The following GRIN2B variants were observed in gnomAD, a reference collection of about 807,000 sequenced individuals.
GRIN2B encodes glutamate ionotropic receptor NMDA type subunit 2B, also known as glutamate receptor ionotropic, NMDA 2B.
A neutral mutation model predicts 114.5 loss-of-function variants in GRIN2B; 5 were observed. That is an observed-to-expected ratio of 0.04 (90% confidence interval 0.02 to 0.09). The LOEUF (loss-of-function observed/expected upper bound fraction) is 0.09, where lower values mean the gene tolerates loss of function less well. GRIN2B is among the 10% of genes least tolerant of loss of function. The probability of loss-of-function intolerance (pLI) is 1.00; values close to 1 mark genes in which losing one functional copy is unlikely to be tolerated. For synonymous variants in GRIN2B, 787 were observed against 745.1 expected, an observed-to-expected ratio of 1.06 and a Z score of -0.92; for missense variants, 1,108 against 1,943.5, an observed-to-expected ratio of 0.57 and a Z score of 8.08.
intron 11 of GRIN2B, 85 bp downstream of exon 11, chr12:13,571,719 G>T: frequency 1.5e-6 from 2 of 1,316,990 alleles, no homozygotes; most frequent in Non-Finnish European, 2.2e-6. Context: ...ACCAAGCATG[G>T]TATACCTAGT....
chr12:13,777,722 A>G (rs544921820), intron 3 of GRIN2B, among the ~76,000 whole-genome samples: 3 of 152,138 alleles, frequency 2.0e-5, no homozygotes, highest in Non-Finnish European at 4.4e-5. Flanking sequence ...CCTAAAGAAC[A>G]CTGATATTCA....
intron 2 of GRIN2B, among the ~76,000 whole-genome samples, chr12:13,911,100 C>T (rs542440860): frequency 1.2e-4 from 18 of 152,138 alleles, no homozygotes; most frequent in Admixed American, 4.6e-4. Context: ...CACCTACTAC[C>T]ATAGTGAGTC....
intron 3 of GRIN2B, among the ~76,000 whole-genome samples, chr12:13,758,254 C>T (rs1863614453): frequency 6.6e-6 from 1 of 152,136 alleles, no homozygotes; most frequent in Admixed American, 6.5e-5. Context: ...TCTTCCCTTC[C>T]CACTCATGGT....
intron 5 of GRIN2B, among the ~76,000 whole-genome samples, chr12:13,658,023 TGG>T (rs1949883465): frequency 1.3e-5 from 2 of 152,100 alleles, no homozygotes; most frequent in Non-Finnish European, 1.5e-5. Context: ...CTGACCAACA[TGG>T]AGACACCCTG....
rs193002350 is a variant in GRIN2B at position 13,892,718 on chromosome 12, T to A, written c.-18-26492A>T. Among the ~76,000 whole-genome samples, 697 of 152,258 alleles carry A rather than the reference T, an allele frequency of 4.6e-3. 2 individuals are homozygous for A. The highest frequency in any genetic ancestry group is 0.014 in the Middle Eastern group (4 of 294). The stretch of plus-strand genomic sequence containing the variant: ...TCCTAAGCTTTGTGGTATATGAGAA[T>A]AACACGGGGGCCTAAACTACCAACA... On this transcript the variant is annotated intron_variant, in intron 2 of 13. Coordinates refer to ENST00000609686, the MANE Select transcript of GRIN2B (RefSeq NM_000834.5).
In GRIN2B at chr12:13,558,894, T is replaced by G. The variant is rs559315815; in HGVS notation, c.*3889A>C. ...ATTATTGTCAGTGGAAATGCTGAGA[T>G]TTAAGCATTGCCACTGAAAGGAGTT... is the stretch of plus-strand genomic sequence containing the variant. On this transcript the variant is annotated 3_prime_UTR_variant, in exon 14 of 14. Transcript: ENST00000609686. The G allele has an allele frequency of 2.6e-5, 4 of 152,246 alleles. No individual in the cohort carries two copies. Among genetic ancestry groups the G allele is most frequent in the African/African-American group, 7.2e-5 (3 of 41,504 alleles). The allele number at this position is 152,246 out of a possible 1,614,324, so 9.4% of individuals were successfully genotyped here. A position where few individuals can be genotyped will look rare whatever the true frequency, so the allele number is the denominator to read the frequency against.
At chr12:13,835,471 G>T (rs1865243505) in intron 3 of GRIN2B, among the ~76,000 whole-genome samples, 1 of 151,940 alleles carries the variant, frequency 6.6e-6, no homozygotes, top group African/African-American at 2.4e-5. Flanking sequence ...TCACAAAAGG[G>T]TTTTACGTAA....
At chr12:13,928,096 A>G (rs1866952083) in intron 2 of GRIN2B, among the ~76,000 whole-genome samples, 1 of 151,716 alleles carries the variant, frequency 6.6e-6, no homozygotes, top group African/African-American at 2.4e-5. Context: ...GGATCACTTG[A>G]GGTCAGGAGT....
At chr12:13,769,282 A>G (rs1425965541) in intron 3 of GRIN2B, among the ~76,000 whole-genome samples, 1 of 152,032 alleles carries the variant, frequency 6.6e-6, no homozygotes, top group Non-Finnish European at 1.5e-5. Flanking sequence ...CACTCACACA[A>G]GAACCCTCCC....
intron 10 of GRIN2B, among the ~76,000 whole-genome samples, chr12:13,588,836 AAGG>A (rs1258923726): frequency 1.3e-5 from 2 of 152,338 alleles, no homozygotes; most frequent in South Asian, 2.1e-4. Flanking sequence ...CTCACAGCAG[AAGG>A]TTCAGAAATG....
chr12:13,734,564 G>A (rs1056779468), intron 4 of GRIN2B, among the ~76,000 whole-genome samples: 1 of 152,160 alleles, frequency 6.6e-6, no homozygotes, highest in Non-Finnish European at 1.5e-5. Context: ...ATCAGGTTTT[G>A]TACTCCACGT....
chr12:13,973,108 C>G (rs2136874224), intron 2 of GRIN2B, among the ~76,000 whole-genome samples: 1 of 152,310 alleles, frequency 6.6e-6, no homozygotes, highest in South Asian at 2.1e-4. Context: ...TGAGCGTCCT[C>G]ACCTGAGCTT....
chr12:13,924,454 G>A (rs532587317), intron 2 of GRIN2B, among the ~76,000 whole-genome samples: 5 of 152,284 alleles, frequency 3.3e-5, no homozygotes, highest in South Asian at 2.1e-4. Flanking sequence ...GGAGCTGGAC[G>A]TGTATGAGTG....
At chr12:13,848,842 G>T (rs2193510) in intron 3 of GRIN2B, among the ~76,000 whole-genome samples, 20,720 of 152,134 alleles carry the variant, frequency 0.14, 1,891 homozygotes, top group Non-Finnish European at 0.21. Context: ...AAAGCTGAAC[G>T]GTGTCCTTAT....
intron 4 of GRIN2B, among the ~76,000 whole-genome samples, chr12:13,748,625 A>G (rs1285509996): frequency 6.6e-6 from 1 of 152,216 alleles, no homozygotes; most frequent in Non-Finnish European, 1.5e-5. Flanking sequence ...AATATATAGC[A>G]TAAGAAATTC....
intron 4 of GRIN2B, among the ~76,000 whole-genome samples, chr12:13,691,398 A>G (rs961324706): frequency 1.3e-5 from 2 of 152,228 alleles, no homozygotes; most frequent in Admixed American, 6.6e-5. Flanking sequence ...TCAGAAAGGT[A>G]TTATGAATAA....
chr12:13,699,213 T>A (rs2136566486), intron 4 of GRIN2B, among the ~76,000 whole-genome samples: 1 of 152,276 alleles, frequency 6.6e-6, no homozygotes, highest in East Asian at 1.9e-4. Flanking sequence ...GTGTACGTAT[T>A]ATATGCCTTG....
At chr12:13,926,511 A>G (rs927880356) in intron 2 of GRIN2B, among the ~76,000 whole-genome samples, 2 of 152,128 alleles carry the variant, frequency 1.3e-5, no homozygotes, top group African/African-American at 4.8e-5. Flanking sequence ...CTCCTTCCCC[A>G]GTTTCTCCAG....
intron 10 of GRIN2B, among the ~76,000 whole-genome samples, chr12:13,601,325 T>C (rs573025372): frequency 6.6e-6 from 1 of 152,158 alleles, no homozygotes; most frequent in Non-Finnish European, 1.5e-5. Context: ...CTCCATGTCT[T>C]CCTGTGGCTG....
Sources: allele counts gnomAD v4.1 joint callset (sites outside exome capture counted in the v4.1 genomes callset), GRCh38; gene constraint gnomAD v4.1.1; transcripts MANE v1.5; gene names NCBI Gene and HGNC (gene_info 2026-07-23, HGNC 2026-07-21).